Variants in CDH11 observed in about 807,000 individuals in gnomAD.
CDH11 encodes the protein cadherin-11.
Under a neutral mutation model 67.8 loss-of-function variants are expected in CDH11, and 11 were observed. That is an observed-to-expected ratio of 0.16 (90% confidence interval 0.10 to 0.27). The LOEUF (loss-of-function observed/expected upper bound fraction) is 0.27, where lower values mean the gene tolerates loss of function less well. Ranked by LOEUF, CDH11 falls within the 10% of genes least tolerant of loss-of-function variation. The probability of loss-of-function intolerance (pLI) is 1.00; values close to 1 mark genes in which losing one functional copy is unlikely to be tolerated. For synonymous variants in CDH11, 419 were observed against 400.0 expected (o/e 1.05, Z -0.57); for missense variants, 847 against 1,031.2 (o/e 0.82, Z 2.45).
intron 2 of CDH11, among the ~76,000 whole-genome samples, chr16:65,012,093 G>A (rs1242104692): frequency 2.0e-5 from 3 of 152,216 alleles, no homozygotes; most frequent in African/African-American, 4.8e-5. Context: ...CTAAGCAGAT[G>A]AGTGATGGTA....
chr16:65,104,176 C>A (rs2075034275), intron 1 of CDH11, among the ~76,000 whole-genome samples: 1 of 152,072 alleles, frequency 6.6e-6, no homozygotes, highest in African/African-American at 2.4e-5. Flanking sequence ...ATTATCTATG[C>A]CAATTTCCTT....
At chr16:64,968,574 G>T (rs2071910025) in intron 11 of CDH11, 1 of 984,852 alleles carries the variant, frequency 1.0e-6, no homozygotes. Flanking sequence ...AGCTCGGGCT[G>T]CAGAACGGAA....
At chr16:65,097,646 A>G (rs1339151774) in intron 1 of CDH11, among the ~76,000 whole-genome samples, 1 of 152,128 alleles carries the variant, frequency 6.6e-6, no homozygotes, top group Non-Finnish European at 1.5e-5. Context: ...GTCACTTTTT[A>G]TTTTTCTAAA....
chr16:65,066,143 A>T (rs750448166), intron 1 of CDH11, among the ~76,000 whole-genome samples: 2 of 152,196 alleles, frequency 1.3e-5, no homozygotes, highest in Non-Finnish European at 2.9e-5. Flanking sequence ...CTTTGCCTCA[A>T]CTTACCATAT....
At chr16:65,059,909 A>G (rs1055074537) in intron 1 of CDH11, among the ~76,000 whole-genome samples, 3 of 152,204 alleles carry the variant, frequency 2.0e-5, no homozygotes, top group African/African-American at 7.2e-5. Flanking sequence ...CTAGCATATG[A>G]GCAAACCTCC....
At chr16:65,086,685 C>T (rs72792918) in intron 1 of CDH11, among the ~76,000 whole-genome samples, 59 of 152,296 alleles carry the variant, frequency 3.9e-4, no homozygotes, top group Non-Finnish European at 8.2e-4. Flanking sequence ...GAGTTCACCC[C>T]CAGTTACAGA....
intron 3 of CDH11, among the ~76,000 whole-genome samples, chr16:64,999,935 C>T (rs1414005058): frequency 6.6e-6 from 1 of 152,120 alleles, no homozygotes; most frequent in Admixed American, 6.5e-5. Flanking sequence ...ACTTATCAGA[C>T]CTTTCCAGAA....
At chr16:65,068,720 C>G (rs371051591) in intron 1 of CDH11, among the ~76,000 whole-genome samples, 2 of 152,204 alleles carry the variant, frequency 1.3e-5, no homozygotes, top group East Asian at 3.9e-4. Context: ...TGGTTTTTCC[C>G]GAAGAAACAT....
intron 1 of CDH11, among the ~76,000 whole-genome samples, chr16:65,115,035 A>G (rs191915010): frequency 1.7e-3 from 263 of 152,318 alleles, no homozygotes; most frequent in Non-Finnish European, 2.9e-3. Context: ...GAGACTAATT[A>G]TCTTTTGAGC....
At chr16:64,983,263 G>A (rs2072402394) in intron 7 of CDH11, 1 of 152,134 alleles carries the variant, frequency 6.6e-6, no homozygotes, top group Non-Finnish European at 1.5e-5. Flanking sequence ...TTGAATGGCT[G>A]TAGTTATAGG....
In CDH11 at chr16:64,979,643, A is replaced by C. The variant is rs115603235; in HGVS notation, c.1253+2405T>G. 6.8e-3 allele frequency among the ~76,000 whole-genome samples: 1,029 copies of C among 152,312 alleles called. 16 individuals carry two copies. The highest frequency in any genetic ancestry group is 0.023 in the African/African-American group (962 of 41,566). On this transcript the variant is annotated intron_variant, in intron 8 of 12. Transcript: ENST00000268603. ...GATAAGAAAGTAAAATGGTACAGCCACTGTGGAAAACACTTTGGCAGCTCC... is the reference window on the plus strand; with the variant it reads ...GATAAGAAAGTAAAATGGTACAGCCCCTGTGGAAAACACTTTGGCAGCTCC...
chr16:65,075,390 TC>T (rs1344524225), intron 1 of CDH11, among the ~76,000 whole-genome samples: 1 of 152,190 alleles, frequency 6.6e-6, no homozygotes, highest in African/African-American at 2.4e-5. Context: ...GAGGGGGCTC[TC>T]TTCATCAAAT....
At chr16:65,083,778 G>A (rs191363422) in intron 1 of CDH11, among the ~76,000 whole-genome samples, 77 of 152,324 alleles carry the variant, frequency 5.1e-4, no homozygotes, top group South Asian at 1.9e-3. Context: ...CCAGAGGGAA[G>A]TCCCCATGCC....
intron 11 of CDH11, among the ~76,000 whole-genome samples, chr16:64,964,739 G>A (rs1418196785): frequency 6.6e-6 from 1 of 151,710 alleles, no homozygotes; most frequent in African/African-American, 2.4e-5. Flanking sequence ...TAGTAGAGAC[G>A]GGGTTTCATC....
intron 2 of CDH11, among the ~76,000 whole-genome samples, chr16:65,013,108 T>C (rs1399514918): frequency 1.3e-5 from 2 of 152,298 alleles, no homozygotes; most frequent in Admixed American, 1.3e-4. Flanking sequence ...TGAGAATAAG[T>C]GACTTTGCCT....
At chr16:65,082,312 C>G (rs1298509653) in intron 1 of CDH11, among the ~76,000 whole-genome samples, 1 of 152,214 alleles carries the variant, frequency 6.6e-6, no homozygotes. Flanking sequence ...ATCCAGGAAA[C>G]TGTGCTCACC....
intron 1 of CDH11, chr16:65,118,735 C>G (rs1168633037): frequency 6.6e-6 from 1 of 151,948 alleles, no homozygotes; most frequent in Non-Finnish European, 1.5e-5. Context: ...TTTGACAATT[C>G]AAGAAAAAAA....
At chr16:65,044,713 A>C (rs1016921993) in intron 2 of CDH11, among the ~76,000 whole-genome samples, 1 of 152,090 alleles carries the variant, frequency 6.6e-6, no homozygotes, top group Non-Finnish European at 1.5e-5. Flanking sequence ...CCAGCAGCAC[A>C]ATATGGACAG....
intron 2 of CDH11, among the ~76,000 whole-genome samples, chr16:65,014,728 GT>G (rs34142434): frequency 0.25 from 37,797 of 152,068 alleles, 5,801 homozygotes; most frequent in Middle Eastern, 0.36. Flanking sequence ...GATGTAGACG[GT>G]TTTAGGAACT....
Sources: gnomAD v4.1 joint callset for allele counts (sites outside exome capture counted in the v4.1 genomes callset) on GRCh38, gnomAD v4.1.1 for gene constraint, MANE v1.5 for transcripts, NCBI Gene and HGNC (gene_info 2026-07-23, HGNC 2026-07-21) for gene names.